GPC5: variants seen among roughly 807,000 people sequenced by gnomAD.
The protein encoded by GPC5 is glypican-5.
Under a neutral mutation model 53.9 loss-of-function variants are expected in GPC5, and 47 were observed. That is an observed-to-expected ratio of 0.87 (90% confidence interval 0.69 to 1.11). The LOEUF (loss-of-function observed/expected upper bound fraction) is 1.11, where lower values mean the gene tolerates loss of function less well. Ranked by LOEUF, GPC5 falls within the 50% of genes most tolerant of loss-of-function variation. The pLI is 0.00. For missense variants in GPC5, 748 were observed against 713.1 expected, an observed-to-expected ratio of 1.05 and a Z score of -0.56; for synonymous variants, 286 against 263.3, an observed-to-expected ratio of 1.09 and a Z score of -0.84.
At chr13:91,507,632 G>A (rs116907072) in intron 2 of GPC5, among the ~76,000 whole-genome samples, 1 of 152,310 alleles carries the variant, frequency 6.6e-6, no homozygotes, top group East Asian at 1.9e-4. Flanking sequence ...GGGAGCTAAA[G>A]ATGAGATTTG....
At chr13:91,927,365 A>G (rs561725489) in intron 6 of GPC5, among the ~76,000 whole-genome samples, 26 of 152,172 alleles carry the variant, frequency 1.7e-4, no homozygotes, top group Non-Finnish European at 3.7e-4. Context: ...TGTAGTAGAT[A>G]AGATTTCTCT....
At chr13:92,379,486 C>G (rs61973564) in intron 7 of GPC5, among the ~76,000 whole-genome samples, 90,522 of 151,978 alleles carry the variant, frequency 0.6, 27,177 homozygotes, top group East Asian at 0.75. Flanking sequence ...GTCCTCTGCA[C>G]GTTAGTTCCT....
At chr13:92,052,308 A>T (rs1426062956) in intron 6 of GPC5, among the ~76,000 whole-genome samples, 1 of 152,190 alleles carries the variant, frequency 6.6e-6, no homozygotes, top group South Asian at 2.1e-4. Flanking sequence ...GACTTCAAGA[A>T]TGAAGCCATG....
At chr13:91,989,099 C>A (rs889380074) in intron 6 of GPC5, among the ~76,000 whole-genome samples, 1 of 149,650 alleles carries the variant, frequency 6.7e-6, no homozygotes, top group Non-Finnish European at 1.5e-5. Flanking sequence ...TGAACCACAT[C>A]CTTCATTTGG....
intron 7 of GPC5, 82 bp from the exon 8 acceptor site, chr13:92,866,200 C>A: frequency 8.0e-7 from 1 of 1,250,862 alleles, no homozygotes; most frequent in Non-Finnish European, 1.1e-6. Flanking sequence ...ATGCTGTCCA[C>A]ACTTTGAGTT....
intron 7 of GPC5, among the ~76,000 whole-genome samples, chr13:92,680,843 G>A (rs1384044639): frequency 4.6e-5 from 7 of 152,102 alleles, no homozygotes; most frequent in South Asian, 2.1e-4. Flanking sequence ...AATTATTGCC[G>A]GTGAATTTCA....
chr13:91,738,969 C>A (rs567815239), intron 4 of GPC5, among the ~76,000 whole-genome samples: 2 of 151,330 alleles, frequency 1.3e-5, no homozygotes, highest in African/African-American at 4.9e-5. Context: ...TATCTAGAAT[C>A]TTTTTGCTTT....
At position 92,601,308 on chromosome 13, in the gene GPC5, C is replaced by T. The variant is rs190119939; in HGVS notation, c.1562-264974C>T. Among the ~76,000 whole-genome samples the T allele has an allele frequency of 2.2e-4, 33 of 152,134 alleles. No individual in the cohort carries two copies. The East Asian group carries it at 5.4e-3, about 25-fold the overall frequency. On this transcript the variant is annotated intron_variant, in intron 7 of 7. Coordinates refer to ENST00000377067, the MANE Select transcript of GPC5 (RefSeq NM_004466.6). ...TGGTGGCTCCCACCTGTAATCCTAG[C>T]ACTTTGGGAGGCGGAGGCAGGCGGA...
intron 7 of GPC5, among the ~76,000 whole-genome samples, chr13:92,617,935 G>A (rs1226809802): frequency 2.6e-5 from 4 of 152,066 alleles, no homozygotes; most frequent in Admixed American, 6.6e-5. Context: ...TGCTGCACCC[G>A]TTAAGACACC....
At chr13:92,831,430 A>G (rs933806308) in intron 7 of GPC5, among the ~76,000 whole-genome samples, 3 of 152,118 alleles carry the variant, frequency 2.0e-5, no homozygotes, top group African/African-American at 7.2e-5. Context: ...CCATTTTCAG[A>G]TTGTAAACTC....
intron 7 of GPC5, among the ~76,000 whole-genome samples, chr13:92,754,346 G>T (rs1358783665): frequency 1.3e-5 from 2 of 152,158 alleles, no homozygotes; most frequent in Non-Finnish European, 2.9e-5. Context: ...ACATGGAAAT[G>T]CACAAACGGT....
chr13:91,529,465 G>A (rs1428925263), intron 2 of GPC5, among the ~76,000 whole-genome samples: 10 of 152,184 alleles, frequency 6.6e-5, no homozygotes, highest in East Asian at 1.9e-4. Flanking sequence ...TTTATGCTCC[G>A]AAGACATTTA....
Position 91,622,282 on chromosome 13 carries a change from A to G in GPC5, c.326-70905A>G, listed in dbSNP as rs568061371. ...GACACTCAGTATTAATCATCACACC[A>G]TATCAGTGTGCTATCATTTATCAAT... is the stretch of plus-strand genomic sequence containing the variant. On this transcript the variant is annotated intron_variant, in intron 2 of 7. Transcript: ENST00000377067. 1.4e-4 allele frequency among the ~76,000 whole-genome samples: 22 copies of G among 152,218 alleles called. 1 individual carries two copies. In the South Asian group the frequency reaches 4.1e-3, roughly 29 times the overall value.
intron 5 of GPC5, among the ~76,000 whole-genome samples, chr13:91,796,653 T>C (rs1477425122): frequency 6.6e-6 from 1 of 152,198 alleles, no homozygotes; most frequent in Admixed American, 6.5e-5. Flanking sequence ...GCCCCATGTT[T>C]AAAGGTGGGT....
At chr13:92,137,577 TACTC>T (rs1228025806) in intron 6 of GPC5, among the ~76,000 whole-genome samples, 2 of 152,222 alleles carry the variant, frequency 1.3e-5, no homozygotes, top group Admixed American at 6.5e-5. Context: ...TCTCAAATAA[TACTC>T]ACAAAACCTT....
chr13:92,222,952 C>T (rs1268169490), intron 7 of GPC5, among the ~76,000 whole-genome samples: 1 of 152,004 alleles, frequency 6.6e-6, no homozygotes. Context: ...ATGCTGTATA[C>T]AAAATTAAGT....
chr13:92,713,902 C>G (rs1367710300), intron 7 of GPC5, among the ~76,000 whole-genome samples: 1 of 152,124 alleles, frequency 6.6e-6, no homozygotes, highest in Non-Finnish European at 1.5e-5. Flanking sequence ...GTAGCAGTTT[C>G]CTACAGAAAT....
intron 7 of GPC5, among the ~76,000 whole-genome samples, chr13:92,627,867 G>A: frequency 6.6e-6 from 1 of 152,116 alleles, no homozygotes. Flanking sequence ...AAAGTGTCTA[G>A]GTTTCCTGAA....
intron 7 of GPC5, among the ~76,000 whole-genome samples, chr13:92,452,590 C>T (rs1878107780): frequency 6.6e-6 from 1 of 151,432 alleles, no homozygotes; most frequent in South Asian, 2.1e-4. Flanking sequence ...AAAAAAACAA[C>T]CAAGTCCCAC....
Sources: allele counts gnomAD v4.1 joint callset (sites outside exome capture counted in the v4.1 genomes callset), GRCh38; gene constraint gnomAD v4.1.1; transcripts MANE v1.5; gene names NCBI Gene and HGNC (gene_info 2026-07-23, HGNC 2026-07-21).